Variants in ITFG1 observed in about 807,000 individuals in gnomAD.
ITFG1 encodes T-cell immunomodulatory protein.
In ITFG1, 34 loss-of-function variants were observed where a neutral mutation model predicts 81.8. The observed-to-expected ratio is 0.42, with a 90% confidence interval of 0.32 to 0.55. The LOEUF is 0.55. Ranked by LOEUF, ITFG1 falls within the 20% of genes least tolerant of loss-of-function variation. The probability of loss-of-function intolerance (pLI) is 0.17; values close to 1 mark genes in which losing one functional copy is unlikely to be tolerated. For synonymous variants in ITFG1, 285 were observed against 270.6 expected (o/e 1.05, Z -0.52); for missense variants, 672 against 755.4 (o/e 0.89, Z 1.29).
At chr16:47,197,237 G>A (rs1000513453) in intron 14 of ITFG1, among the ~76,000 whole-genome samples, 2 of 152,066 alleles carry the variant, frequency 1.3e-5, no homozygotes, top group Non-Finnish European at 2.9e-5. Flanking sequence ...CATATTTTAA[G>A]GTCTGAAAAC....
intron 14 of ITFG1, among the ~76,000 whole-genome samples, chr16:47,176,564 A>G (rs937182097): frequency 1.3e-5 from 2 of 152,228 alleles, no homozygotes; most frequent in East Asian, 3.8e-4. Flanking sequence ...CTTACTAACT[A>G]GCATGTACAT....
intron 13 of ITFG1, among the ~76,000 whole-genome samples, chr16:47,232,288 T>C (rs1003285498): frequency 4.6e-5 from 7 of 152,248 alleles, no homozygotes; most frequent in African/African-American, 1.7e-4. Context: ...GAATGAGGCT[T>C]AACAGAAGTG....
At chr16:47,183,160 A>G (rs1341418906) in intron 14 of ITFG1, among the ~76,000 whole-genome samples, 1 of 152,192 alleles carries the variant, frequency 6.6e-6, no homozygotes, top group Non-Finnish European at 1.5e-5. Flanking sequence ...TTGCCAGCAC[A>G]GCAGTCTGAG....
intron 8 of ITFG1, among the ~76,000 whole-genome samples, chr16:47,324,023 T>C (rs993267799): frequency 3.9e-5 from 6 of 152,202 alleles, no homozygotes; most frequent in African/African-American, 1.4e-4. Flanking sequence ...AAAATAAATA[T>C]GTGTATATTT....
At chr16:47,369,851 T>C (rs2151588531) in intron 7 of ITFG1, among the ~76,000 whole-genome samples, 1 of 141,156 alleles carries the variant, frequency 7.1e-6, no homozygotes, top group South Asian at 2.4e-4. Context: ...TTTTTTTTTT[T>C]TTTTTTGAGA....
Position 47,375,768 on chromosome 16 carries a change from A to C in ITFG1, c.720+108T>G. The C allele has an allele frequency of 5.3e-6, 4 of 756,898 alleles. No individual in the cohort carries two copies. The South Asian group carries it at 6.1e-5, about 12-fold the overall frequency. The allele number at this position is 756,898 out of a possible 1,614,324, so 46.9% of individuals were successfully genotyped here. On this transcript the variant is annotated intron_variant, in intron 7 of 17. Transcript: ENST00000320640. ...CAACCAAAGGCTCTTAAAGTTTTCT[A>C]TTTATTGTTGAAATCAACCAAGTGA...
At chr16:47,186,523 C>G (rs1297173064) in intron 14 of ITFG1, among the ~76,000 whole-genome samples, 1 of 152,200 alleles carries the variant, frequency 6.6e-6, no homozygotes, top group Non-Finnish European at 1.5e-5. Context: ...ACGATTATCT[C>G]AATAGATGCA....
At chr16:47,419,950 TTCTC>T (rs947944471) in intron 6 of ITFG1, among the ~76,000 whole-genome samples, 2 of 149,754 alleles carry the variant, frequency 1.3e-5, no homozygotes, top group African/African-American at 5.0e-5. Context: ...TTTCTTTATC[TTCTC>T]TTTTTTTTTT....
At chr16:47,253,046 C>A (rs921865051) in intron 12 of ITFG1, among the ~76,000 whole-genome samples, 57 of 152,054 alleles carry the variant, frequency 3.7e-4, no homozygotes, top group Non-Finnish European at 7.6e-4. Flanking sequence ...AAACTAAAAC[C>A]TCCTGCACCA....
chr16:47,253,818 G>A (rs186521078), intron 12 of ITFG1, among the ~76,000 whole-genome samples: 14 of 152,254 alleles, frequency 9.2e-5, no homozygotes, highest in Admixed American at 3.9e-4. Flanking sequence ...AGCTTTGCTC[G>A]CCCTCCGGCC....
chr16:47,155,052 C>A lies in ITFG1; in HGVS notation c.*667G>T, dbSNP rs1309307231. ...TCTGTGCTAGGCACCAAGCTAAGCA[C>A]TTCACATACATCATCCCATTTAATG... On this transcript the variant is annotated 3_prime_UTR_variant, in exon 18 of 18. Coordinates refer to ENST00000320640, the MANE Select transcript of ITFG1 (RefSeq NM_030790.5). 1 of 152,224 alleles carries A rather than the reference C, an allele frequency of 6.6e-6. No individual in the cohort carries two copies. The highest frequency in any genetic ancestry group is 1.5e-5 in the Non-Finnish European group (1 of 68,052). The allele number at this position is 152,224 out of a possible 1,614,324, so 9.4% of individuals were successfully genotyped here. A position where few individuals can be genotyped will look rare whatever the true frequency, so the allele number is the denominator to read the frequency against.
intron 14 of ITFG1, among the ~76,000 whole-genome samples, chr16:47,203,677 T>A (rs1965456478): frequency 1.3e-5 from 2 of 152,188 alleles, no homozygotes; most frequent in African/African-American, 4.8e-5. Context: ...CAGGCTATAA[T>A]GTGATTGATG....
At chr16:47,230,957 C>A (rs1414193878) in intron 13 of ITFG1, among the ~76,000 whole-genome samples, 1 of 152,242 alleles carries the variant, frequency 6.6e-6, no homozygotes, top group Non-Finnish European at 1.5e-5. Flanking sequence ...ACCGTGTTAG[C>A]CAGGATGGTC....
At chr16:47,289,244 T>A (rs1188106119) in intron 10 of ITFG1, among the ~76,000 whole-genome samples, 2 of 152,312 alleles carry the variant, frequency 1.3e-5, no homozygotes, top group East Asian at 1.9e-4. Context: ...GCTGCTGAAT[T>A]CAGTTTGTGA....
chr16:47,372,582 T>C (rs908669346), intron 7 of ITFG1, among the ~76,000 whole-genome samples: 1 of 151,992 alleles, frequency 6.6e-6, no homozygotes, highest in Non-Finnish European at 1.5e-5. Context: ...GCCTCCCAAG[T>C]AGCTGGGACT....
At chr16:47,379,496 T>C (rs1436368588) in intron 6 of ITFG1, among the ~76,000 whole-genome samples, 1 of 152,058 alleles carries the variant, frequency 6.6e-6, no homozygotes, top group Non-Finnish European at 1.5e-5. Context: ...AAGACCAGCT[T>C]GGCCAACATG....
Position 47,452,803 on chromosome 16 carries a change from T to C in ITFG1, c.428-13A>G. On this transcript the variant is annotated splice_polypyrimidine_tract_variant and intron_variant, in intron 3 of 17. Coordinates refer to ENST00000320640, the MANE Select transcript of ITFG1 (RefSeq NM_030790.5). ...ATATTGTTAGGATCTGCAAAAAAGA[T>C]ATATATATATATGAATTAGCAGGCA... 3.5e-6 allele frequency: 4 copies of C among 1,128,448 alleles called. No homozygotes were observed. The highest frequency in any genetic ancestry group is 3.7e-6 in the Non-Finnish European group (3 of 805,700). 69.9% of individuals were successfully genotyped at this position (1,128,448 alleles called of 1,614,324 possible).
chr16:47,192,040 A>G (rs1182700302), intron 14 of ITFG1, among the ~76,000 whole-genome samples: 1 of 152,210 alleles, frequency 6.6e-6, no homozygotes, highest in African/African-American at 2.4e-5. Context: ...TTGGCATCCC[A>G]AAGTGCTGGA....
chr16:47,291,282 A>G (rs1567447555), intron 10 of ITFG1, among the ~76,000 whole-genome samples: 1 of 152,096 alleles, frequency 6.6e-6, no homozygotes, highest in African/African-American at 2.4e-5. Flanking sequence ...GAAATCTGTT[A>G]TTCTAATTGG....
Sources: allele counts gnomAD v4.1 joint callset (sites outside exome capture counted in the v4.1 genomes callset), GRCh38; gene constraint gnomAD v4.1.1; transcripts MANE v1.5; gene names NCBI Gene and HGNC (gene_info 2026-07-23, HGNC 2026-07-21).